Variants in ZNF608 observed in about 807,000 individuals in gnomAD.
The protein encoded by ZNF608 is zinc finger protein 608.
In ZNF608, 12 loss-of-function variants were observed where a neutral mutation model predicts 109.0. The observed-to-expected ratio is 0.11, with a 90% CI of 0.07 to 0.18. The LOEUF is 0.18. Ranked by LOEUF, ZNF608 falls within the 10% of genes least tolerant of loss-of-function variation. ZNF608 has a pLI of 1.00. For synonymous variants in ZNF608, 732 were observed against 717.4 expected, an observed-to-expected ratio of 1.02 and a Z score of -0.33; for missense variants, 1,707 against 1,879.3, an observed-to-expected ratio of 0.91 and a Z score of 1.70.
chr5:124,638,572 C>T (rs1242218454), intron 9 of ZNF608, among the ~76,000 whole-genome samples: 1 of 152,190 alleles, frequency 6.6e-6, no homozygotes, highest in Non-Finnish European at 1.5e-5. Flanking sequence ...CAACATTTGG[C>T]ACTGTAAACC....
intron 2 of ZNF608, chr5:124,734,798 T>TA (rs1268542464): frequency 8.5e-5 from 13 of 152,246 alleles, no homozygotes; most frequent in African/African-American, 2.9e-4. Flanking sequence ...AAAGTATACT[T>TA]AAACTATATT....
intron 3 of ZNF608, 45 bp downstream of exon 3, chr5:124,700,969 G>A: frequency 6.2e-7 from 1 of 1,604,054 alleles, no homozygotes; most frequent in African/African-American, 1.3e-5. Context: ...AATACATCAT[G>A]GGGAAGAGGG....
At chr5:124,651,840 G>C (rs948606083) in intron 3 of ZNF608, among the ~76,000 whole-genome samples, 1 of 152,236 alleles carries the variant, frequency 6.6e-6, no homozygotes, top group African/African-American at 2.4e-5. Flanking sequence ...CGGAGGCAAA[G>C]GGACGCATCC....
chr5:124,739,085 C>G (rs1478987359), intron 2 of ZNF608, among the ~76,000 whole-genome samples: 3 of 152,164 alleles, frequency 2.0e-5, no homozygotes, highest in Non-Finnish European at 2.9e-5. Context: ...GTCCCTTTCT[C>G]GACTCTTTTG....
intron 3 of ZNF608, among the ~76,000 whole-genome samples, chr5:124,680,611 G>T (rs532139389): frequency 6.6e-6 from 1 of 152,098 alleles, no homozygotes. Context: ...GCTTCTCAGC[G>T]CACCACTCAT....
At chr5:124,747,199 G>A (rs1749670163), upstream of ZNF608, among the ~76,000 whole-genome samples, 1 of 148,918 alleles carries the variant, frequency 6.7e-6, no homozygotes, top group South Asian at 2.1e-4. Flanking sequence ...GACCCTTTTC[G>A]GGAGTTTTTC....
intron 4 of ZNF608, among the ~76,000 whole-genome samples, 196 bp from the exon 5 acceptor site, chr5:124,649,329 C>A (rs1294020040): frequency 2.0e-5 from 3 of 152,138 alleles, no homozygotes; most frequent in Non-Finnish European, 2.9e-5. Flanking sequence ...CTCAGAAAAA[C>A]CAAAGAAAAA....
chr5:124,657,684 A>C (rs1014297534), intron 3 of ZNF608, among the ~76,000 whole-genome samples: 1 of 152,072 alleles, frequency 6.6e-6, no homozygotes, highest in Non-Finnish European at 1.5e-5. Flanking sequence ...CAAAAAAACA[A>C]ACAAACAAAC....
chr5:124,739,220 A>G (rs924772119), intron 2 of ZNF608, among the ~76,000 whole-genome samples: 1 of 152,208 alleles, frequency 6.6e-6, no homozygotes, highest in African/African-American at 2.4e-5. Flanking sequence ...TCAATAAAAG[A>G]CCTCAAACAA....
chr5:124,744,197 C>G lies in ZNF608; in HGVS notation c.793G>C (p.Glu265Gln), dbSNP rs1749541048. The G allele has an allele frequency of 6.2e-7, 1 of 1,613,800 alleles. No homozygotes were observed. Among genetic ancestry groups the G allele is most frequent in the Non-Finnish European group, 8.5e-7 (1 of 1,180,006 alleles). ...GAATCCGGGGCACTTTTGCTAACTT[C>G]CCCTGCAGCGGCGACGCTGCCACTC... ...TGSGSVAAAGEVSKSAPDSGL... is the reference protein window; with the variant it reads ...TGSGSVAAAGQVSKSAPDSGL... The change falls in exon 2 of 10, where the codon GAA becomes CAA. Residue 265 changes from glutamate (E) to glutamine (Q), a missense_variant. Glu to Gln is a conservative substitution (Grantham distance 29). Coordinates refer to ENST00000513986, the MANE Select transcript of ZNF608 (RefSeq NM_020747.3). This position sits in a 1 kb window ranked among gnomAD's most constrained non-coding sequence, Gnocchi z 4.5.
chr5:124,732,407 C>T (rs1398150673), intron 2 of ZNF608, among the ~76,000 whole-genome samples: 1 of 152,046 alleles, frequency 6.6e-6, no homozygotes, highest in African/African-American at 2.4e-5. Flanking sequence ...AATGATACTT[C>T]TAGAAAATAA....
At chr5:124,718,990 A>T (rs1322552980) in intron 2 of ZNF608, among the ~76,000 whole-genome samples, 1 of 152,252 alleles carries the variant, frequency 6.6e-6, no homozygotes, top group Non-Finnish European at 1.5e-5. Context: ...TGCCATTTTT[A>T]ATACTTCTGC....
At chr5:124,733,718 ATTT>A (rs1749016685) in intron 2 of ZNF608, among the ~76,000 whole-genome samples, 1 of 152,154 alleles carries the variant, frequency 6.6e-6, no homozygotes, top group South Asian at 2.1e-4. Flanking sequence ...AACATTTTAA[ATTT>A]TTAAGGATTT....
chr5:124,714,952 T>C (rs1753635360), intron 2 of ZNF608, among the ~76,000 whole-genome samples: 1 of 152,218 alleles, frequency 6.6e-6, no homozygotes, highest in African/African-American at 2.4e-5. Flanking sequence ...AACAGTGATT[T>C]TTCTTCTTCT....
rs200206742 is a variant in ZNF608, at chr5:124,646,889, G to A, written c.3495C>T (p.Asn1165=). The change falls in exon 5 of 10, where the codon AAC becomes AAT. Residue 1165 remains asparagine, a synonymous_variant. Transcript: ENST00000513986. ...KAPSTPEPNK[N]HSKLGPSVPN... ...GCACTGATGGCCCTAGTTTAGAATGGTTTTTGTTAGGCTCCGGAGTAGAGG... is the reference window on the plus strand; with the variant it reads ...GCACTGATGGCCCTAGTTTAGAATGATTTTTGTTAGGCTCCGGAGTAGAGG... 5.3e-5 allele frequency: 85 copies of A among 1,614,084 alleles called. No individual in the cohort carries two copies. Among genetic ancestry groups the A allele is most frequent in the Non-Finnish European group, 6.4e-5 (76 of 1,180,036 alleles).
Position 124,648,249 on chromosome 5 carries a change from C to T in ZNF608, c.2135G>A (p.Gly712Glu). Residue 712 changes from glycine to glutamate, a missense_variant, in exon 5 of 10, where the codon GGA becomes GAA. Physicochemically the swap from Gly to Glu is moderately conservative, Grantham distance 98 (BLOSUM62 -2). Coordinates refer to ENST00000513986, the MANE Select transcript of ZNF608 (RefSeq NM_020747.3). The part of the protein sequence containing the change: ...AEGLIDKKNL[G>E]DKEKGKKATN... ...AGCTTTTTTGCCCTTTTCTTTATCT[C>T]CTAAATTTTTCTTGTCAATTAATCC... The T allele has an allele frequency of 6.2e-7, 1 of 1,614,150 alleles. No individual in the cohort carries two copies. The highest frequency in any genetic ancestry group is 1.1e-5 in the South Asian group (1 of 91,088).
chr5:124,661,527 C>T (rs953932247), intron 3 of ZNF608, among the ~76,000 whole-genome samples: 2 of 150,572 alleles, frequency 1.3e-5, no homozygotes, highest in African/African-American at 2.4e-5. Context: ...ATTTCAATAA[C>T]GTGCTTAGAG....
At chr5:124,678,251 C>T (rs927660034) in intron 3 of ZNF608, among the ~76,000 whole-genome samples, 6 of 152,136 alleles carry the variant, frequency 3.9e-5, no homozygotes, top group African/African-American at 1.4e-4. Context: ...GAATGTTGAT[C>T]CAGGCATTAC....
At chr5:124,708,894 C>G (rs187238015) in intron 2 of ZNF608, 4 of 419,476 alleles carry the variant, frequency 9.5e-6, no homozygotes, top group Middle Eastern at 8.1e-4. Flanking sequence ...ATCCAAGGCC[C>G]GGTGCAGTGG....
Sources: allele counts gnomAD v4.1 joint callset (sites outside exome capture counted in the v4.1 genomes callset), GRCh38; gene constraint gnomAD v4.1.1; non-coding constraint Gnocchi (gnomAD v3.1); transcripts MANE v1.5; gene names NCBI Gene and HGNC (gene_info 2026-07-23, HGNC 2026-07-21).